Variants in CDC14A observed in about 807,000 individuals in gnomAD.
The protein encoded by CDC14A is dual specificity protein phosphatase CDC14A.
Under a neutral mutation model 74.4 loss-of-function variants are expected in CDC14A, and 53 were observed. The ratio of observed to expected loss-of-function variants is 0.71; its 90% CI spans 0.57 to 0.89. The LOEUF (loss-of-function observed/expected upper bound fraction) is 0.89, where lower values mean the gene tolerates loss of function less well. CDC14A is among the 40% of genes least tolerant of loss of function. CDC14A has a pLI of 0.00. For missense variants in CDC14A, 646 were observed against 713.7 expected (o/e 0.91, Z 1.08); for synonymous variants, 247 against 258.4 (o/e 0.96, Z 0.43).
intron 4 of CDC14A, among the ~76,000 whole-genome samples, chr1:100,413,204 A>G (rs1434404003): frequency 6.6e-6 from 1 of 152,214 alleles, no homozygotes; most frequent in Non-Finnish European, 1.5e-5. Context: ...CTGATGGGCA[A>G]AACTCTTGTT....
chr1:100,440,536 C>T lies in CDC14A; in HGVS notation c.456+538C>T, dbSNP rs559164017. ...AAACTAGAAGATTTCTGAGAGCTCT[C>T]GGAACATGTTTTAGAAACATAAATT... On this transcript the variant is annotated intron_variant, in intron 6 of 15. Transcript: ENST00000336454. 3.9e-5 allele frequency among the ~76,000 whole-genome samples: 6 copies of T among 152,096 alleles called. No homozygotes were observed. In the South Asian group the frequency reaches 6.2e-4, roughly 16 times the overall value.
rs372109861 is a variant in CDC14A at position 100,467,993 on chromosome 1, T to C, written c.876T>C (p.Tyr292=). The change falls in exon 10 of 16, where the codon TAT becomes TAC. Residue 292 remains tyrosine (Y), a synonymous_variant. Coordinates refer to ENST00000336454, the MANE Select transcript of CDC14A (RefSeq NM_003672.4). The part of the protein sequence containing the change: ...LGRTGTLIAC[Y]VMKHYRFTHA... Reference sequence around the variant, plus strand: ...GAACAGGGACATTGATAGCCTGTTATGTAATGAAACACTACAGGTTTACAC... The same window carrying C: ...GAACAGGGACATTGATAGCCTGTTACGTAATGAAACACTACAGGTTTACAC... 4 of 1,610,460 alleles carry C rather than the reference T, an allele frequency of 2.5e-6. No homozygotes were observed. The African/African-American group carries it at 4.0e-5, about 16-fold the overall frequency.
intron 3 of CDC14A, among the ~76,000 whole-genome samples, chr1:100,382,211 C>CTTCT (rs1442244157): frequency 9.5e-5 from 10 of 105,162 alleles, no homozygotes; most frequent in African/African-American, 3.5e-4. Context: ...TTCCTCTATT[C>CTTCT]TTTTTTTTTT....
At chr1:100,458,092 C>G (rs1666910892) in intron 8 of CDC14A, among the ~76,000 whole-genome samples, 1 of 152,184 alleles carries the variant, frequency 6.6e-6, no homozygotes, top group Admixed American at 6.5e-5. Context: ...TGCTAAGCCT[C>G]TTGCATATAC....
At position 100,488,007 on chromosome 1, in the gene CDC14A, G is replaced by GA. The variant is rs974860379; in HGVS notation, c.1137+3565dup. ...GATGAAGAAGGCTTATAGTTTCAGA[G>GA]AAAAAAAAAGGACAGAGACATGAAA... is the stretch of plus-strand genomic sequence containing the variant. On this transcript the variant is annotated intron_variant, in intron 11 of 15. Coordinates refer to ENST00000336454, the MANE Select transcript of CDC14A (RefSeq NM_003672.4). 5.3e-5 allele frequency among the ~76,000 whole-genome samples: 8 copies of GA among 149,968 alleles called. No individual in the cohort carries two copies. In the East Asian group the frequency reaches 1.2e-3, roughly 22 times the overall value.
Position 100,433,802 on chromosome 1 carries a change from A to G in CDC14A, c.390-6130A>G, listed in dbSNP as rs561648294. On this transcript the variant is annotated intron_variant, in intron 5 of 15. Coordinates refer to ENST00000336454, the MANE Select transcript of CDC14A (RefSeq NM_003672.4). ...AGATTCTCAGGTTACAAGCAGTGGTATGTTGGTAAACTGGCTCTATAAGTA... is the reference window on the plus strand; with the variant it reads ...AGATTCTCAGGTTACAAGCAGTGGTGTGTTGGTAAACTGGCTCTATAAGTA... Among the ~76,000 whole-genome samples the G allele has an allele frequency of 4.0e-4, 61 of 152,284 alleles. No homozygotes were observed. The South Asian group carries it at 0.012, about 30-fold the overall frequency.
chr1:100,390,288 G>A (rs759596114), intron 3 of CDC14A, among the ~76,000 whole-genome samples: 43 of 152,024 alleles, frequency 2.8e-4, no homozygotes, highest in Non-Finnish European at 1.6e-4. Context: ...TCAAAAATAC[G>A]ATTTTTTGGA....
chr1:100,389,074 C>T (rs1040437184), intron 3 of CDC14A, among the ~76,000 whole-genome samples: 15 of 150,260 alleles, frequency 1.0e-4, no homozygotes, highest in African/African-American at 3.4e-4. Flanking sequence ...ACTCAGGAGG[C>T]CGAGGTGAGA....
chr1:100,359,944 CTT>C (rs750715999), intron 2 of CDC14A, among the ~76,000 whole-genome samples: 25 of 124,648 alleles, frequency 2.0e-4, no homozygotes, highest in Non-Finnish European at 1.9e-4. Flanking sequence ...TCACCTTCTT[CTT>C]TTTTTTTTTT....
At chr1:100,489,734 C>T (rs914870533) in intron 11 of CDC14A, among the ~76,000 whole-genome samples, 2 of 152,152 alleles carry the variant, frequency 1.3e-5, no homozygotes, top group African/African-American at 4.8e-5. Context: ...AGTGGGGCAT[C>T]TGAGAGCAGA....
intron 4 of CDC14A, among the ~76,000 whole-genome samples, chr1:100,408,140 T>G (rs1423251599): frequency 1.3e-5 from 2 of 152,204 alleles, no homozygotes; most frequent in African/African-American, 2.4e-5. Context: ...ATCGTTTAGT[T>G]CCAGCTTATA....
At chr1:100,366,254 C>G (rs977126114) in intron 2 of CDC14A, among the ~76,000 whole-genome samples, 3 of 152,146 alleles carry the variant, frequency 2.0e-5, no homozygotes, top group Admixed American at 1.3e-4. Flanking sequence ...TGCAAGTACT[C>G]TGTGATGAAT....
At chr1:100,451,332 T>C (rs1272463193) in intron 7 of CDC14A, among the ~76,000 whole-genome samples, 1 of 152,228 alleles carries the variant, frequency 6.6e-6, no homozygotes, top group Non-Finnish European at 1.5e-5. Flanking sequence ...GTCTCCCTGC[T>C]GTAGCTGATG....
chr1:100,435,992 G>T (rs1389767632), intron 5 of CDC14A, among the ~76,000 whole-genome samples: 2 of 152,160 alleles, frequency 1.3e-5, no homozygotes, highest in Non-Finnish European at 2.9e-5. Context: ...TTTAAATTCT[G>T]TTGGAAAGGA....
intron 10 of CDC14A, among the ~76,000 whole-genome samples, chr1:100,482,018 A>G (rs535955037): frequency 5.3e-5 from 8 of 152,346 alleles, no homozygotes; most frequent in African/African-American, 1.7e-4. Flanking sequence ...GCTTAGCAAC[A>G]CACAAATCAG....
chr1:100,470,450 A>G (rs1321567532), intron 10 of CDC14A, among the ~76,000 whole-genome samples: 4 of 152,034 alleles, frequency 2.6e-5, no homozygotes, highest in Admixed American at 6.5e-5. Context: ...ATGAAAAAAA[A>G]AGAAAGAAAA....
chr1:100,361,919 G>C (rs1200516764), intron 2 of CDC14A, among the ~76,000 whole-genome samples: 1 of 152,198 alleles, frequency 6.6e-6, no homozygotes, highest in African/African-American at 2.4e-5. Context: ...AGAAAGGCCA[G>C]ATGGGGAGAG....
rs1281338194 is a variant in CDC14A at position 100,518,305 on chromosome 1, GTTC to G, written c.*30_*32del. 1 of 1,597,094 alleles carries G rather than the reference GTTC, an allele frequency of 6.3e-7. No homozygotes were observed. The highest frequency in any genetic ancestry group is 1.1e-5 in the South Asian group (1 of 90,436). ...AGGCCTTGCCACTCCAGTGAAAGCT[GTTC>G]TTCTCTTAGACACAATTTCTTCATC... On this transcript the variant is annotated 3_prime_UTR_variant, in exon 16 of 16. Coordinates refer to ENST00000336454, the MANE Select transcript of CDC14A (RefSeq NM_003672.4).
intron 10 of CDC14A, among the ~76,000 whole-genome samples, chr1:100,479,965 TTTAAA>T (rs1329758355): frequency 6.6e-6 from 1 of 152,224 alleles, no homozygotes; most frequent in Non-Finnish European, 1.5e-5. Context: ...AGACTGACTT[TTTAAA>T]TTAATGTTTT....
Sources: gnomAD v4.1 joint callset for allele counts (sites outside exome capture counted in the v4.1 genomes callset) on GRCh38, gnomAD v4.1.1 for gene constraint, MANE v1.5 for transcripts, NCBI Gene and HGNC (gene_info 2026-07-23, HGNC 2026-07-21) for gene names.